The following APBB2 variants were observed in gnomAD, a reference collection of about 807,000 sequenced individuals.
APBB2 encodes the protein Fe65-like 1.
A neutral mutation model predicts 82.5 loss-of-function variants in APBB2; 38 were observed. The observed-to-expected ratio is 0.46, with a 90% CI of 0.36 to 0.60. The LOEUF is 0.60. Ranked by LOEUF, APBB2 falls within the 20% of genes least tolerant of loss-of-function variation. The pLI, the probability that APBB2 is intolerant of heterozygous loss-of-function variation, is 0.00. For synonymous variants in APBB2, 341 were observed against 368.2 expected, an observed-to-expected ratio of 0.93 and a Z score of 0.85; for missense variants, 772 against 972.3, an observed-to-expected ratio of 0.79 and a Z score of 2.74.
intron 12 of APBB2, among the ~76,000 whole-genome samples, chr4:40,847,791 T>C (rs1758124573): frequency 6.6e-6 from 1 of 151,962 alleles, no homozygotes; most frequent in African/African-American, 2.4e-5. Context: ...ATTTGAATTG[T>C]TTGTTGTTTT....
At chr4:40,854,740 G>C (rs989992560) in intron 12 of APBB2, among the ~76,000 whole-genome samples, 5 of 141,872 alleles carry the variant, frequency 3.5e-5, no homozygotes, top group Non-Finnish European at 7.5e-5. Flanking sequence ...AGTAAGCCAA[G>C]ATTACGCCAC....
chr4:41,076,485 C>G (rs1335983231), intron 3 of APBB2, among the ~76,000 whole-genome samples: 1 of 152,230 alleles, frequency 6.6e-6, no homozygotes, highest in Non-Finnish European at 1.5e-5. Context: ...GAACTATGCA[C>G]TCCACAGCCC....
At chr4:40,923,985 G>A (rs1781978157) in intron 10 of APBB2, among the ~76,000 whole-genome samples, 1 of 152,216 alleles carries the variant, frequency 6.6e-6, no homozygotes, top group Admixed American at 6.5e-5. Context: ...GAGGCAAAAT[G>A]AGCAGCCAAG....
chr4:41,054,103 G>C (rs1374727408), intron 4 of APBB2, among the ~76,000 whole-genome samples: 1 of 152,226 alleles, frequency 6.6e-6, no homozygotes, highest in African/African-American at 2.4e-5. Context: ...CCTCAGGGCA[G>C]GTATCTCTGA....
chr4:41,131,849 G>C (rs889945257), intron 2 of APBB2, among the ~76,000 whole-genome samples: 3 of 151,992 alleles, frequency 2.0e-5, no homozygotes, highest in Non-Finnish European at 4.4e-5. Flanking sequence ...AGACCAGCCT[G>C]GGCAACATGG....
intron 13 of APBB2, among the ~76,000 whole-genome samples, chr4:40,830,211 C>CAT (rs372640227): frequency 1.1e-3 from 169 of 149,604 alleles, no homozygotes; most frequent in Admixed American, 2.0e-3. Context: ...CACACACACA[C>CAT]ATATATATAT....
intron 12 of APBB2, among the ~76,000 whole-genome samples, chr4:40,881,995 C>T (rs1277999498): frequency 6.6e-6 from 1 of 151,430 alleles, no homozygotes; most frequent in Admixed American, 6.6e-5. Context: ...CTCAGAAAAG[C>T]TTTCCTGACT....
intron 3 of APBB2, among the ~76,000 whole-genome samples, chr4:41,091,384 C>T (rs937694098): frequency 6.6e-6 from 1 of 152,134 alleles, no homozygotes; most frequent in Non-Finnish European, 1.5e-5. Flanking sequence ...AGTCACCCCC[C>T]GTTTATTTGC....
chr4:41,150,510 T>C (rs980188297), intron 1 of APBB2, among the ~76,000 whole-genome samples: 1 of 152,220 alleles, frequency 6.6e-6, no homozygotes, highest in African/African-American at 2.4e-5. Context: ...ATTCCTTCTA[T>C]CTATACTGCC....
chr4:40,993,361 C>CTT (rs34787320), intron 6 of APBB2, among the ~76,000 whole-genome samples: 1,519 of 114,480 alleles, frequency 0.013, 28 homozygotes, highest in African/African-American at 0.038. Flanking sequence ...ACTCTTCTCT[C>CTT]TTTTTTTTTT....
At chr4:40,918,774 T>C (rs1780536019) in intron 10 of APBB2, among the ~76,000 whole-genome samples, 1 of 151,072 alleles carries the variant, frequency 6.6e-6, no homozygotes, top group Non-Finnish European at 1.5e-5. Context: ...TTTTTTTGTT[T>C]GTTTGTTTTT....
At chr4:41,130,635 A>T (rs1755703982) in intron 2 of APBB2, among the ~76,000 whole-genome samples, 2 of 151,842 alleles carry the variant, frequency 1.3e-5, no homozygotes, top group African/African-American at 4.8e-5. Flanking sequence ...ACTACATCTC[A>T]TATTCTCCCC....
intron 3 of APBB2, among the ~76,000 whole-genome samples, chr4:41,083,515 C>T (rs1288406091): frequency 6.6e-6 from 1 of 151,746 alleles, no homozygotes; most frequent in African/African-American, 2.4e-5. Context: ...ATGTGAAACC[C>T]CGTCTCTACT....
chr4:40,969,935 T>C (rs1308270846), intron 6 of APBB2, among the ~76,000 whole-genome samples: 1 of 152,252 alleles, frequency 6.6e-6, no homozygotes, highest in Non-Finnish European at 1.5e-5. Context: ...CATATAATGA[T>C]AACACATACT....
chr4:40,860,768 T>G (rs1762568430), intron 12 of APBB2, among the ~76,000 whole-genome samples: 1 of 152,246 alleles, frequency 6.6e-6, no homozygotes. Flanking sequence ...TGATTAAATT[T>G]AATGTTACTA....
At chr4:41,092,465 G>A (rs1200117605) in intron 3 of APBB2, among the ~76,000 whole-genome samples, 1 of 152,154 alleles carries the variant, frequency 6.6e-6, no homozygotes, top group Non-Finnish European at 1.5e-5. Context: ...CAGACAACAA[G>A]AGTAAGATTT....
chr4:40,811,512 A>G lies in APBB2; in HGVS notation c.*4580T>C, dbSNP rs1744397981. 1 of 47,622 alleles carries G rather than the reference A, an allele frequency of 2.1e-5. No homozygotes were observed. The highest frequency in any genetic ancestry group is 4.7e-4 in the South Asian group (1 of 2,146). The allele number at this position is 47,622 out of a possible 1,614,324, so 2.9% of individuals were successfully genotyped here. The stretch of plus-strand genomic sequence containing the variant: ...GGTTGTGGTGAGCTGAAATTACACC[A>G]CTGCACTCCAGAGTAAGACTCCTCT... On this transcript the variant is annotated 3_prime_UTR_variant, in exon 18 of 18. Coordinates refer to ENST00000508593, the MANE Select transcript of APBB2 (RefSeq NM_004307.2).
chr4:40,938,902 C>A (rs190044721), intron 7 of APBB2, among the ~76,000 whole-genome samples: 2 of 152,246 alleles, frequency 1.3e-5, no homozygotes, highest in Admixed American at 1.3e-4. Flanking sequence ...AGAGGTGGGG[C>A]CTTTAAGAGG....
At position 41,030,879 on chromosome 4, in the gene APBB2, G is replaced by A. The variant is rs559892951; in HGVS notation, c.19+2357C>T. 1.8e-3 allele frequency among the ~76,000 whole-genome samples: 255 copies of A among 139,022 alleles called. 1 individual carries two copies. The highest frequency in any genetic ancestry group is 7.0e-3 in the Middle Eastern group (2 of 286). 91.2% of individuals were successfully genotyped at this position (139,022 alleles called of 152,430 possible). On this transcript the variant is annotated intron_variant, in intron 5 of 17. Transcript: ENST00000508593. ...AGGCCTGCTCAGAAGGCACTCCTGA[G>A]CTGAATCGTGAAGGGCCAATAGGAG...
Sources: gnomAD v4.1 joint callset for allele counts (sites outside exome capture counted in the v4.1 genomes callset) on GRCh38, gnomAD v4.1.1 for gene constraint, MANE v1.5 for transcripts, NCBI Gene and HGNC (gene_info 2026-07-23, HGNC 2026-07-21) for gene names.